PLEKHA7: variants seen among roughly 807,000 people sequenced by gnomAD.
PLEKHA7 encodes pleckstrin homology domain-containing family A member 7.
PLEKHA7 carries 104 observed loss-of-function variants against 170.0 expected under a neutral mutation model. The observed-to-expected ratio is 0.61, with a 90% confidence interval of 0.52 to 0.72. The LOEUF is 0.72. Ranked by LOEUF, PLEKHA7 falls within the 30% of genes least tolerant of loss-of-function variation. The probability of loss-of-function intolerance (pLI) is 0.00; values close to 1 mark genes in which losing one functional copy is unlikely to be tolerated. For missense variants in PLEKHA7, 1,615 were observed against 1,671.7 expected, an observed-to-expected ratio of 0.97 and a Z score of 0.59; for synonymous variants, 648 against 660.8, an observed-to-expected ratio of 0.98 and a Z score of 0.30.
chr11:16,896,308 T>C (rs1166389317), intron 3 of PLEKHA7, among the ~76,000 whole-genome samples: 1 of 152,234 alleles, frequency 6.6e-6, no homozygotes, highest in African/African-American at 2.4e-5. Flanking sequence ...GAAGAATGGC[T>C]GTGACATTTC....
intron 3 of PLEKHA7, among the ~76,000 whole-genome samples, chr11:16,913,992 C>A (rs1479397418): frequency 6.6e-6 from 1 of 152,056 alleles, no homozygotes; most frequent in African/African-American, 2.4e-5. Flanking sequence ...AAAGTAGAAG[C>A]AATCTAAATG....
rs370352229 is a variant in PLEKHA7, at chr11:16,817,108, C to T, written c.1558G>A (p.Val520Met). The change falls in exon 11 of 27, where the codon GTG becomes ATG. Residue 520 changes from valine (V) to methionine (M), a missense_variant. Physicochemically the swap from Val to Met is conservative, Grantham distance 21. Transcript: ENST00000531066. This position sits in a 1 kb window ranked among gnomAD's most constrained non-coding sequence, Gnocchi z 4.4. ...EERRAHRDGT[V>M]WQLYEWQQRQ... Reference sequence around the variant, plus strand: ...TGCTGCCACTCGTAGAGCTGCCACACGGTGCCATCCCGGTGCGCCCGGCGC... The same window carrying T: ...TGCTGCCACTCGTAGAGCTGCCACATGGTGCCATCCCGGTGCGCCCGGCGC... The T allele has an allele frequency of 3.7e-6, 6 of 1,614,064 alleles. No individual in the cohort carries two copies. The highest frequency in any genetic ancestry group is 4.2e-6 in the Non-Finnish European group (5 of 1,179,964).
chr11:16,800,237 A>G (rs189962498), intron 17 of PLEKHA7, among the ~76,000 whole-genome samples: 32 of 152,320 alleles, frequency 2.1e-4, no homozygotes, highest in African/African-American at 7.0e-4. Context: ...CACTTAAAAA[A>G]TTGTGAGGGT....
chr11:16,980,911 A>T (rs540556134), intron 3 of PLEKHA7, among the ~76,000 whole-genome samples: 2 of 134,046 alleles, frequency 1.5e-5, no homozygotes, highest in Non-Finnish European at 3.3e-5. Context: ...AACCAGCAAG[A>T]TACGGCCCAA....
chr11:16,979,027 TTTG>T (rs899165571), intron 3 of PLEKHA7, among the ~76,000 whole-genome samples: 17 of 151,964 alleles, frequency 1.1e-4, no homozygotes, highest in East Asian at 7.7e-4. Flanking sequence ...ACCTGATTCT[TTTG>T]TTGTTGTTGT....
intron 3 of PLEKHA7, among the ~76,000 whole-genome samples, chr11:16,924,427 A>G (rs1859336092): frequency 6.6e-6 from 1 of 151,778 alleles, no homozygotes. Context: ...ACATTTTTCT[A>G]TTTTTCAGAA....
chr11:16,976,791 T>C (rs191636340), intron 3 of PLEKHA7, among the ~76,000 whole-genome samples: 34 of 152,352 alleles, frequency 2.2e-4, no homozygotes, highest in South Asian at 6.2e-4. Flanking sequence ...GGACATTTAC[T>C]TTTAAAGCCA....
intron 9 of PLEKHA7, among the ~76,000 whole-genome samples, chr11:16,829,645 G>T (rs1293908795): frequency 1.3e-5 from 2 of 152,104 alleles, no homozygotes; most frequent in Admixed American, 1.3e-4. Flanking sequence ...GCATGGTGGT[G>T]TGCACCTGTA....
chr11:17,009,607 G>A (rs1276874909), intron 3 of PLEKHA7, among the ~76,000 whole-genome samples: 4 of 150,234 alleles, frequency 2.7e-5, no homozygotes, highest in African/African-American at 9.8e-5. Context: ...AGAAGTGCTA[G>A]AGTACAAAAA....
intron 3 of PLEKHA7, among the ~76,000 whole-genome samples, chr11:16,876,135 G>T (rs1395796922): frequency 6.6e-6 from 1 of 152,194 alleles, no homozygotes; most frequent in Non-Finnish European, 1.5e-5. Flanking sequence ...CCCTCAGTCA[G>T]CTCCATTTCC....
In PLEKHA7 at chr11:16,845,750, C is replaced by T. The variant is rs141021341; in HGVS notation, c.697-4028G>A. 1.1e-4 allele frequency among the ~76,000 whole-genome samples: 17 copies of T among 152,120 alleles called. No individual in the cohort carries two copies. The East Asian group carries it at 2.7e-3, about 24-fold the overall frequency. On this transcript the variant is annotated intron_variant, in intron 8 of 26. Transcript: ENST00000531066. ...CTGGCTGCAGTACAGAGAAGAGGTT[C>T]GAGTCAGCAGAAACAGGTGAGGGGG...
intron 17 of PLEKHA7, among the ~76,000 whole-genome samples, chr11:16,797,221 G>A (rs551439347): frequency 3.3e-5 from 5 of 152,278 alleles, no homozygotes; most frequent in Admixed American, 6.5e-5. Flanking sequence ...ATCTCTTGAC[G>A]GGGCTGTTTA....
intron 10 of PLEKHA7, among the ~76,000 whole-genome samples, chr11:16,820,223 G>A (rs1850098382): frequency 6.6e-6 from 1 of 152,168 alleles, no homozygotes; most frequent in African/African-American, 2.4e-5. Context: ...TGTTCTAATT[G>A]TTTTAAAACT....
chr11:16,855,556 G>A (rs149311236), intron 5 of PLEKHA7: 23 of 467,766 alleles, frequency 4.9e-5, no homozygotes, highest in East Asian at 2.5e-4. Context: ...CCAACCATGC[G>A]AGGAAAGTGA....
At chr11:16,825,795 G>C (rs1850587838) in intron 10 of PLEKHA7, among the ~76,000 whole-genome samples, 1 of 152,232 alleles carries the variant, frequency 6.6e-6, no homozygotes, top group Non-Finnish European at 1.5e-5. Flanking sequence ...TTTACATGCT[G>C]AATGTCTCAA....
chr11:16,887,585 G>A (rs183097343), intron 3 of PLEKHA7, among the ~76,000 whole-genome samples: 2,168 of 152,256 alleles, frequency 0.014, 18 homozygotes, highest in African/African-American at 0.017. Context: ...TGGTGGAGAC[G>A]GGGTTTCGCT....
chr11:16,886,889 A>G (rs1439442640), intron 3 of PLEKHA7, among the ~76,000 whole-genome samples: 2 of 152,176 alleles, frequency 1.3e-5, no homozygotes, highest in African/African-American at 2.4e-5. Context: ...CAAGTAATCA[A>G]TAAGAGGGAT....
At chr11:16,959,870 T>A (rs1361789290) in intron 3 of PLEKHA7, among the ~76,000 whole-genome samples, 1 of 152,122 alleles carries the variant, frequency 6.6e-6, no homozygotes, top group East Asian at 1.9e-4. Flanking sequence ...CTGTACCTAC[T>A]TCCCCCCAGG....
At chr11:16,909,635 T>C (rs536060915) in intron 3 of PLEKHA7, among the ~76,000 whole-genome samples, 110 of 152,316 alleles carry the variant, frequency 7.2e-4, no homozygotes, top group Non-Finnish European at 1.1e-3. Context: ...ACCTCAGTCA[T>C]GCTCCCTCTC....
Sources: allele counts gnomAD v4.1 joint callset (sites outside exome capture counted in the v4.1 genomes callset), GRCh38; gene constraint gnomAD v4.1.1; non-coding constraint Gnocchi (gnomAD v3.1); transcripts MANE v1.5; gene names NCBI Gene and HGNC (gene_info 2026-07-23, HGNC 2026-07-21).